Variants in POLI observed in about 807,000 individuals in gnomAD.
The protein encoded by POLI is RAD30 homolog B.
POLI carries 58 observed loss-of-function variants against 51.6 expected under a neutral mutation model. That is an observed-to-expected ratio of 1.12 (90% CI 0.91 to 1.40). The LOEUF (loss-of-function observed/expected upper bound fraction) is 1.40, where lower values mean the gene tolerates loss of function less well. Ranked by LOEUF, POLI falls within the 40% of genes most tolerant of loss-of-function variation. The pLI is 0.00. For missense variants in POLI, 921 were observed against 871.3 expected (o/e 1.06, Z -0.72); for synonymous variants, 322 against 299.7 (o/e 1.07, Z -0.77).
At chr18:54,283,581 A>T (rs1419652520) in intron 6 of POLI, among the ~76,000 whole-genome samples, 1 of 152,126 alleles carries the variant, frequency 6.6e-6, no homozygotes, top group Non-Finnish European at 1.5e-5. Flanking sequence ...CCAAGGATAA[A>T]CTTAGATTCA....
chr18:54,275,877 C>T (rs185740537), intron 3 of POLI, among the ~76,000 whole-genome samples: 4 of 152,170 alleles, frequency 2.6e-5, no homozygotes, highest in South Asian at 4.1e-4. Context: ...TTGAAGTAGG[C>T]GCGTAGCCAG....
At chr18:54,308,010 C>T (rs1322820882) in intron 3 of POLI, among the ~76,000 whole-genome samples, 4 of 152,040 alleles carry the variant, frequency 2.6e-5, no homozygotes, top group Non-Finnish European at 1.5e-5. Context: ...CAATACAGCA[C>T]ACCAATGGGT....
chr18:54,283,121 G>T (rs969528457), intron 6 of POLI, 106 bp downstream of exon 6: 1 of 627,206 alleles, frequency 1.6e-6, no homozygotes, highest in African/African-American at 1.8e-5. Context: ...TGCTTAGTAT[G>T]TGATCCCTTT....
chr18:54,289,354 T>C (rs1259948388), intron 8 of POLI, among the ~76,000 whole-genome samples: 1 of 152,038 alleles, frequency 6.6e-6, no homozygotes, highest in Non-Finnish European at 1.5e-5. Context: ...TGGATAAGTG[T>C]ATGGGTTGGA....
At chr18:54,281,722 G>A (rs908951819) in intron 5 of POLI, among the ~76,000 whole-genome samples, 1 of 150,454 alleles carries the variant, frequency 6.6e-6, no homozygotes, top group Admixed American at 6.7e-5. Context: ...ATTCTTACTT[G>A]GCTTTACTTT....
downstream of POLI, among the ~76,000 whole-genome samples, chr18:54,299,074 C>T (rs145332167): frequency 6.4e-4 from 97 of 152,278 alleles, no homozygotes; most frequent in African/African-American, 2.3e-3. Context: ...CCAGGCCTAC[C>T]TCAGACATAC....
rs1405229977 is a variant in POLI, at chr18:54,294,037, C to G, written c.1793C>G (p.Ser598Cys). The change falls in exon 10 of 10, where the codon TCT becomes TGT. Residue 598 changes from serine (S) to cysteine (C), a missense_variant. Ser to Cys is a moderately radical substitution (Grantham distance 112). Transcript: ENST00000579534. ...AGTAGCAAACAGGTATCCTCTGTATCTCCTTGTGAACCGGGAACATCAGGC... is the reference window on the plus strand; with the variant it reads ...AGTAGCAAACAGGTATCCTCTGTATGTCCTTGTGAACCGGGAACATCAGGC... ...LSSSKQVSSV[S>C]PCEPGTSGFN... 2.5e-6 allele frequency: 4 copies of G among 1,613,434 alleles called. No homozygotes were observed. Among genetic ancestry groups the G allele is most frequent in the South Asian group, 1.1e-5 (1 of 91,068 alleles).
chr18:54,281,267 T>C (rs1319309525), intron 5 of POLI, among the ~76,000 whole-genome samples: 1 of 152,180 alleles, frequency 6.6e-6, no homozygotes, highest in African/African-American at 2.4e-5. Flanking sequence ...CTAACTCTTT[T>C]GGGATTACAT....
downstream of POLI, among the ~76,000 whole-genome samples, chr18:54,298,685 G>T (rs1228327695): frequency 3.4e-5 from 5 of 149,054 alleles, no homozygotes; most frequent in African/African-American, 9.9e-5. Flanking sequence ...CCATCTCCTG[G>T]GTTCAAGTGA....
intron 3 of POLI, among the ~76,000 whole-genome samples, chr18:54,315,496 G>A (rs999366334): frequency 2.0e-5 from 3 of 152,072 alleles, no homozygotes; most frequent in Non-Finnish European, 2.9e-5. Flanking sequence ...TCAAGTGTTT[G>A]CTTTAAGTCC....
chr18:54,317,027 A>G (rs966054310), intron 3 of POLI, among the ~76,000 whole-genome samples: 3 of 152,176 alleles, frequency 2.0e-5, no homozygotes, highest in Admixed American at 6.5e-5. Flanking sequence ...TTTTTCCATC[A>G]TTATCTTTTC....
chr18:54,307,449 C>T (rs2088605982), intron 3 of POLI, among the ~76,000 whole-genome samples: 1 of 152,142 alleles, frequency 6.6e-6, no homozygotes, highest in African/African-American at 2.4e-5. Context: ...GTCTGAGAGA[C>T]AGTTTGTTGT....
chr18:54,287,293 TGGAA>T lies in POLI; in HGVS notation c.1086_1089del (p.Arg362SerfsTer5). On this transcript the variant is annotated frameshift_variant, in exon 8 of 10. Coordinates refer to ENST00000579534, the MANE Select transcript of POLI (RefSeq NM_007195.3). LOFTEE classifies it high-confidence loss of function. ...TCTTTATTTTTAGAGTATGCCAAGA[TGGAA>T]GGAAGCCTCATACAGTGAGATTAAT... 6.4e-7 allele frequency: 1 copy of T among 1,574,332 alleles called. No homozygotes were observed. Among genetic ancestry groups the T allele is most frequent in the Non-Finnish European group, 8.7e-7 (1 of 1,154,396 alleles).
At chr18:54,284,615 A>G (rs933166934) in intron 7 of POLI, 1 of 152,220 alleles carries the variant, frequency 6.6e-6, no homozygotes, top group Admixed American at 6.5e-5. Flanking sequence ...TTATTAAAGT[A>G]ACAGTGATGG....
rs2088043485 is a variant in POLI at position 54,292,050 on chromosome 18, C to T, written c.1404+12C>T. ...GCAAGCACAGTTTTGTAAGTACACT[C>T]TTTTTTGTTCAGTTTTCTAAGTATA... is the stretch of plus-strand genomic sequence containing the variant. On this transcript the variant is annotated intron_variant, in intron 9 of 9. Transcript: ENST00000579534. The T allele has an allele frequency of 6.7e-7, 1 of 1,501,462 alleles. No homozygotes were observed. The highest frequency in any genetic ancestry group is 9.2e-7 in the Non-Finnish European group (1 of 1,092,840). The allele number at this position is 1,501,462 out of a possible 1,614,324, so 93.0% of individuals were successfully genotyped here. A position where few individuals can be genotyped will look rare whatever the true frequency, so the allele number is the denominator to read the frequency against.
At chr18:54,277,635 CTAGA>C in intron 3 of POLI, 64 bp from the exon 4 acceptor site, 2 of 956,994 alleles carry the variant, frequency 2.1e-6, no homozygotes, top group African/African-American at 1.6e-5. Flanking sequence ...TTTTTAAGCA[CTAGA>C]TAGTTAAATT....
chr18:54,296,964 G>A lies in POLI; in HGVS notation c.*2497G>A, dbSNP rs2088361154. 1 of 983,744 alleles carries A rather than the reference G, an allele frequency of 1.0e-6. No homozygotes were observed. Among genetic ancestry groups the A allele is most frequent in the African/African-American group, 1.7e-5 (1 of 57,184 alleles). 60.9% of individuals were successfully genotyped at this position (983,744 alleles called of 1,614,324 possible). Reference sequence around the variant, plus strand: ...TTGTGACTTATTTCCTTGAGTATGTGTTAATCTGCGAGAAGACAGAGGGCC... The same window carrying A: ...TTGTGACTTATTTCCTTGAGTATGTATTAATCTGCGAGAAGACAGAGGGCC... On this transcript the variant is annotated 3_prime_UTR_variant, in exon 10 of 10. Transcript: ENST00000579534.
Position 54,291,904 on chromosome 18 carries a change from A to G in POLI, c.1270A>G (p.Met424Val). The G allele has an allele frequency of 1.2e-6, 2 of 1,608,000 alleles. No homozygotes were observed. The highest frequency in any genetic ancestry group is 1.1e-5 in the South Asian group (1 of 90,930). Residue 424 changes from methionine to valine, a missense_variant, in exon 9 of 10, where the codon ATG (methionine) becomes GTG (valine). By Grantham distance (21) the Met-to-Val change is conservative. Transcript: ENST00000579534. ...KLFRNMVNVK[M>V]PFHLTLLSVC... ...TTTTCGAAATATGGTGAATGTGAAG[A>G]TGCCATTTCACCTTACCCTTCTAAG...
chr18:54,275,887 G>T (rs2087219720), intron 3 of POLI, among the ~76,000 whole-genome samples: 1 of 152,054 alleles, frequency 6.6e-6, no homozygotes, highest in South Asian at 2.1e-4. Context: ...CGCGTAGCCA[G>T]TTAGTCCTTT....
Sources: gnomAD v4.1 joint callset for allele counts (sites outside exome capture counted in the v4.1 genomes callset) on GRCh38, gnomAD v4.1.1 for gene constraint, MANE v1.5 for transcripts, NCBI Gene and HGNC (gene_info 2026-07-23, HGNC 2026-07-21) for gene names.